RIC3: variants seen among roughly 807,000 people sequenced by gnomAD.
RIC3 encodes the protein RIC3 acetylcholine receptor chaperone, also known as protein RIC-3.
RIC3 carries 28 observed loss-of-function variants against 27.3 expected under a neutral mutation model. The ratio of observed to expected loss-of-function variants is 1.02; its 90% CI spans 0.76 to 1.41. The LOEUF (loss-of-function observed/expected upper bound fraction) is 1.41. Ranked by LOEUF, RIC3 falls within the 40% of genes most tolerant of loss-of-function variation. RIC3 has a pLI of 0.00. For missense variants in RIC3, 501 were observed against 444.7 expected (o/e 1.13, Z -1.14); for synonymous variants, 184 against 160.4 (o/e 1.15, Z -1.11).
chr11:8,155,457 T>C (rs181844309), intron 1 of RIC3, among the ~76,000 whole-genome samples: 1 of 151,764 alleles, frequency 6.6e-6, no homozygotes, highest in South Asian at 2.1e-4. Context: ...ATGCCTATAA[T>C]CCCAGCTACT....
At position 8,118,685 on chromosome 11, in the gene RIC3, T is replaced by G. The variant is rs894271604; in HGVS notation, c.671-7548A>C. On this transcript the variant is annotated intron_variant, in intron 5 of 5. Transcript: ENST00000309737. ...GAGTTCGAGACCAGCCTGACCAACA[T>G]GGCAAAACCCTGTCTCTACTAAAAA... 2.6e-5 allele frequency among the ~76,000 whole-genome samples: 4 copies of G among 151,882 alleles called. No individual in the cohort carries two copies. In the East Asian group the frequency reaches 7.8e-4, roughly 29 times the overall value.
chr11:8,133,015 T>C (rs1947921672), intron 4 of RIC3, among the ~76,000 whole-genome samples: 1 of 152,184 alleles, frequency 6.6e-6, no homozygotes, highest in African/African-American at 2.4e-5. Flanking sequence ...TTAATTGACA[T>C]TGCAACAGTA....
intron 1 of RIC3, among the ~76,000 whole-genome samples, chr11:8,148,786 A>G (rs575899219): frequency 6.6e-6 from 1 of 152,268 alleles, no homozygotes; most frequent in African/African-American, 2.4e-5. Flanking sequence ...AAACAAAGAC[A>G]TAAATAACAG....
At chr11:8,120,666 T>TA (rs1257416167) in intron 5 of RIC3, among the ~76,000 whole-genome samples, 1 of 151,330 alleles carries the variant, frequency 6.6e-6, no homozygotes, top group African/African-American at 2.4e-5. Context: ...CCCTAGAACT[T>TA]AAAGTATAAT....
At chr11:8,098,867 G>C in the RIC3 span, 1 of 1,612,644 alleles carries the variant, frequency 6.2e-7, no homozygotes, top group Non-Finnish European at 8.5e-7. Flanking sequence ...GCTGGCAGCT[G>C]TGTGCTACGT....
chr11:8,121,543 G>A (rs980244074), intron 5 of RIC3, among the ~76,000 whole-genome samples: 17 of 151,984 alleles, frequency 1.1e-4, no homozygotes, highest in Admixed American at 2.0e-4. Context: ...TGGCAAAACC[G>A]TGTCTCTACT....
At chr11:8,131,900 CAAAAA>C (rs796158730) in intron 4 of RIC3, among the ~76,000 whole-genome samples, 8 of 26,174 alleles carry the variant, frequency 3.1e-4, no homozygotes, top group African/African-American at 9.0e-4. Flanking sequence ...GACTCCATCT[CAAAAA>C]AAAAAAAAAA....
chr11:8,146,040 C>T (rs1178210063), intron 1 of RIC3, among the ~76,000 whole-genome samples: 8 of 152,164 alleles, frequency 5.3e-5, no homozygotes, highest in Admixed American at 5.2e-4. Flanking sequence ...ATAAATCCCA[C>T]AGAAAATCTC....
At chr11:8,164,125 G>A (rs923843894) in intron 1 of RIC3, among the ~76,000 whole-genome samples, 6 of 152,052 alleles carry the variant, frequency 3.9e-5, no homozygotes, top group Non-Finnish European at 7.4e-5. Context: ...AATGGTGCTG[G>A]GGCAACTATA....
chr11:8,110,798 T>G lies in RIC3; in HGVS notation c.1010A>C (p.Glu337Ala), dbSNP rs372177118. ...YPEQEETTKE[E>A]WSQDFKDEGL... ...TTCATCTTTAAAGTCTTGGGACCAC[T>G]CTTCTTTGGTGGTTTCCTCTTGCTC... The change falls in exon 6 of 6, where the codon GAG (glutamate) becomes GCG (alanine). Residue 337 changes from glutamate to alanine, a missense_variant. Glu to Ala is a moderately radical substitution (Grantham distance 107, BLOSUM62 -1). Coordinates refer to ENST00000309737, the MANE Select transcript of RIC3 (RefSeq NM_001206671.4). The G allele has an allele frequency of 1.7e-5, 27 of 1,614,082 alleles. No homozygotes were observed. In the African/African-American group the frequency reaches 2.3e-4, roughly 14 times the overall value.
At chr11:8,120,867 A>G (rs1369678161) in intron 5 of RIC3, among the ~76,000 whole-genome samples, 1 of 152,164 alleles carries the variant, frequency 6.6e-6, no homozygotes, top group Admixed American at 6.6e-5. Context: ...AATATTTTCA[A>G]ACTTTTTAGG....
rs1329102883 is a variant in RIC3, at chr11:8,140,131, G to C, written c.187C>G (p.Pro63Ala). Residue 63 changes from proline (P) to alanine (A), a missense_variant, in exon 2 of 6, where the codon CCT becomes GCT. Pro to Ala is a conservative substitution (Grantham distance 27). Transcript: ENST00000309737. ...TGAGACCTCTGGAAACGAGCCCCAG[G>C]AGTCTGGCCATCTGAGGGTGCCTGG... ...HHQAPSDGQT[P>A]GARFQRSHLA... 1 of 1,614,084 alleles carries C rather than the reference G, an allele frequency of 6.2e-7. No homozygotes were observed. Among genetic ancestry groups the C allele is most frequent in the Admixed American group, 1.7e-5 (1 of 59,988 alleles).
rs1944968434 is a variant in RIC3 at position 8,109,069 on chromosome 11, G to A, written c.*1629C>T. 1 of 152,188 alleles carries A rather than the reference G, an allele frequency of 6.6e-6. No individual in the cohort carries two copies. The highest frequency in any genetic ancestry group is 1.5e-5 in the Non-Finnish European group (1 of 68,016). The allele number at this position is 152,188 out of a possible 1,614,324, so 9.4% of individuals were successfully genotyped here. On this transcript the variant is annotated 3_prime_UTR_variant, in exon 6 of 6. Coordinates refer to ENST00000309737, the MANE Select transcript of RIC3 (RefSeq NM_001206671.4). Reference sequence around the variant, plus strand: ...TCAAATGTTCTACACAGAGATAGATGCAATATGCTTTCTATAAACTCAGTC... The same window carrying A: ...TCAAATGTTCTACACAGAGATAGATACAATATGCTTTCTATAAACTCAGTC...
intron 5 of RIC3, among the ~76,000 whole-genome samples, chr11:8,124,152 A>G (rs1414580840): frequency 2.0e-5 from 3 of 151,484 alleles, no homozygotes; most frequent in Admixed American, 6.8e-5. Flanking sequence ...ACTCCAGACC[A>G]AGATAATATC....
At chr11:8,149,381 C>T (rs1052498749) in intron 1 of RIC3, among the ~76,000 whole-genome samples, 7 of 152,034 alleles carry the variant, frequency 4.6e-5, no homozygotes, top group Admixed American at 1.3e-4. Flanking sequence ...TAGTTTGGCT[C>T]CATTTAGGGA....
chr11:8,104,899 G>A (rs999244890), downstream of RIC3: 16 of 150,050 alleles, frequency 1.1e-4, no homozygotes, highest in Non-Finnish European at 1.6e-4. Flanking sequence ...TCAGTGACAA[G>A]TAGGGCACAA....
intron 5 of RIC3, among the ~76,000 whole-genome samples, chr11:8,119,551 G>A (rs890942080): frequency 6.6e-6 from 1 of 152,050 alleles, no homozygotes; most frequent in Non-Finnish European, 1.5e-5. Flanking sequence ...AATTCAAGAT[G>A]GATTAAAGAC....
Position 8,168,982 on chromosome 11 carries a change from T to C in RIC3, c.8A>G (p.Tyr3Cys). The change falls in exon 1 of 6, where the codon TAC (tyrosine) becomes TGC (cysteine). Residue 3 changes from tyrosine (Y) to cysteine (C), a missense_variant. By Grantham distance (194) the Tyr-to-Cys change is radical (BLOSUM62 -2). Transcript: ENST00000309737. MA[Y>C]STVQRVALAS... ...CAGAGCGACTCTCTGCACTGTGGAG[T>C]ACGCCATGACTGCTCACGGTGGTCG... 1 of 1,595,324 alleles carries C rather than the reference T, an allele frequency of 6.3e-7. No individual in the cohort carries two copies. The highest frequency in any genetic ancestry group is 8.5e-7 in the Non-Finnish European group (1 of 1,172,350).
chr11:8,154,547 G>A (rs1022745710), intron 1 of RIC3, among the ~76,000 whole-genome samples: 1 of 152,036 alleles, frequency 6.6e-6, no homozygotes, highest in African/African-American at 2.4e-5. Context: ...TTCCAGGTGG[G>A]GAATGAACAC....
Sources: allele counts gnomAD v4.1 joint callset (sites outside exome capture counted in the v4.1 genomes callset), GRCh38; gene constraint gnomAD v4.1.1; transcripts MANE v1.5; gene names NCBI Gene and HGNC (gene_info 2026-07-23, HGNC 2026-07-21).